Variants in MEOX2 observed in about 807,000 individuals in gnomAD.
MEOX2 encodes the protein homeobox protein MOX-2.
Under a neutral mutation model 27.0 loss-of-function variants are expected in MEOX2, and 11 were observed. The observed-to-expected ratio is 0.41, with a 90% CI of 0.26 to 0.68. The LOEUF is 0.68. MEOX2 is among the 30% of genes least tolerant of loss of function. MEOX2 has a pLI of 0.33. For synonymous variants in MEOX2, 189 were observed against 155.4 expected, an observed-to-expected ratio of 1.22 and a Z score of -1.61; for missense variants, 436 against 385.4, an observed-to-expected ratio of 1.13 and a Z score of -1.10.
intron 1 of MEOX2, among the ~76,000 whole-genome samples, chr7:15,667,118 C>T (rs183070484): frequency 4.0e-5 from 6 of 150,616 alleles, no homozygotes; most frequent in African/African-American, 1.5e-4. Context: ...GGTGAAACCC[C>T]GTCTCTACTA....
At chr7:15,677,505 T>A (rs79242086) in intron 1 of MEOX2, 2 of 152,276 alleles carry the variant, frequency 1.3e-5, no homozygotes, top group South Asian at 4.1e-4. Flanking sequence ...CTTCGGATAG[T>A]GTTTGATCAA....
chr7:15,668,002 T>G (rs1259926605), intron 1 of MEOX2: 1 of 152,204 alleles, frequency 6.6e-6, no homozygotes, highest in East Asian at 1.9e-4. Flanking sequence ...ATAACATATT[T>G]AAATTTCTTA....
Position 15,641,806 on chromosome 7 carries a change from T to A in MEOX2, c.518-14888A>T, listed in dbSNP as rs190810967. ...TTGAGCATTTCTTGAAGGTCTAGTC[T>A]CATGGTGATAAATTCTACTAGTGTT... On this transcript the variant is annotated intron_variant, in intron 1 of 2. Coordinates refer to ENST00000262041, the MANE Select transcript of MEOX2 (RefSeq NM_005924.5). Among the ~76,000 whole-genome samples, 102 of 152,296 alleles carry A rather than the reference T, an allele frequency of 6.7e-4. 1 individual carries two copies. In the East Asian group the frequency reaches 0.019, roughly 28 times the overall value.
intron 1 of MEOX2, among the ~76,000 whole-genome samples, chr7:15,675,467 G>A (rs1395197832): frequency 2.0e-5 from 3 of 152,082 alleles, no homozygotes; most frequent in Non-Finnish European, 4.4e-5. Context: ...TATTTTTATT[G>A]GGAAGACTAA....
At chr7:15,619,163 C>G (rs1781174865) in intron 2 of MEOX2, among the ~76,000 whole-genome samples, 1 of 151,952 alleles carries the variant, frequency 6.6e-6, no homozygotes, top group South Asian at 2.1e-4. Flanking sequence ...AGAAAATTTT[C>G]TTAAAATTGA....
At chr7:15,668,485 T>C (rs1272799990) in intron 1 of MEOX2, among the ~76,000 whole-genome samples, 26 of 152,154 alleles carry the variant, frequency 1.7e-4, no homozygotes, top group Non-Finnish European at 3.5e-4. Flanking sequence ...TTTTTGTTTT[T>C]GTTTTTTTTC....
chr7:15,659,104 A>G (rs1485135773), intron 1 of MEOX2, among the ~76,000 whole-genome samples: 1 of 152,164 alleles, frequency 6.6e-6, no homozygotes, highest in Admixed American at 6.5e-5. Context: ...GGCTCAATCA[A>G]TCCTCCTACC....
chr7:15,648,041 T>C (rs532962010), intron 1 of MEOX2, among the ~76,000 whole-genome samples: 4 of 152,216 alleles, frequency 2.6e-5, no homozygotes, highest in African/African-American at 9.6e-5. Flanking sequence ...AATATTAAGA[T>C]GTTGATACTA....
chr7:15,617,948 G>T (rs187239496), intron 2 of MEOX2, among the ~76,000 whole-genome samples: 13 of 152,006 alleles, frequency 8.6e-5, no homozygotes, highest in Non-Finnish European at 1.5e-4. Context: ...ATAACATATT[G>T]AACAAGGATT....
chr7:15,621,168 A>G (rs1265182138), intron 2 of MEOX2, among the ~76,000 whole-genome samples: 2 of 152,188 alleles, frequency 1.3e-5, no homozygotes, highest in Non-Finnish European at 2.9e-5. Context: ...ACAATTGAAG[A>G]TTATTATCTG....
intron 2 of MEOX2, among the ~76,000 whole-genome samples, chr7:15,621,738 G>A (rs931216812): frequency 6.6e-6 from 1 of 152,180 alleles, no homozygotes; most frequent in African/African-American, 2.4e-5. Flanking sequence ...TGTCAATCAT[G>A]TACAATTTCC....
At chr7:15,644,953 C>T (rs1007012612) in intron 1 of MEOX2, among the ~76,000 whole-genome samples, 5 of 152,130 alleles carry the variant, frequency 3.3e-5, no homozygotes, top group Admixed American at 6.6e-5. Context: ...GGCCCCAGAA[C>T]GCCCACTGCT....
intron 1 of MEOX2, among the ~76,000 whole-genome samples, chr7:15,637,990 C>G (rs1332261625): frequency 6.6e-6 from 1 of 151,952 alleles, no homozygotes; most frequent in Non-Finnish European, 1.5e-5. Flanking sequence ...CATTTATTAG[C>G]CTTTTCTAAG....
rs1325569519 is a variant in MEOX2, at chr7:15,612,146, G to A, written c.*241C>T. The A allele has an allele frequency of 1.8e-5, 10 of 551,938 alleles. No homozygotes were observed. The highest frequency in any genetic ancestry group is 3.1e-5 in the Admixed American group (1 of 32,494). The allele number at this position is 551,938 out of a possible 1,614,324, so 34.2% of individuals were successfully genotyped here. On this transcript the variant is annotated 3_prime_UTR_variant, in exon 3 of 3. Coordinates refer to ENST00000262041, the MANE Select transcript of MEOX2 (RefSeq NM_005924.5). ...CATACCTGCTCACTGCCATACGCAC[G>A]ACCAAACACATCTGGAATATTCAAA...
intron 1 of MEOX2, among the ~76,000 whole-genome samples, chr7:15,665,591 T>C (rs1345415051): frequency 6.6e-6 from 1 of 152,176 alleles, no homozygotes; most frequent in African/African-American, 2.4e-5. Flanking sequence ...TCCCCCAAAA[T>C]GACCAATTTT....
intron 2 of MEOX2, among the ~76,000 whole-genome samples, chr7:15,622,502 A>G (rs1414873680): frequency 1.3e-5 from 2 of 152,192 alleles, no homozygotes; most frequent in African/African-American, 4.8e-5. Context: ...ATATGAGGTT[A>G]GATGTAATAT....
At chr7:15,638,117 G>T (rs952155610) in intron 1 of MEOX2, among the ~76,000 whole-genome samples, 8 of 152,106 alleles carry the variant, frequency 5.3e-5, no homozygotes, top group African/African-American at 1.9e-4. Context: ...GTAAAAAGAT[G>T]ATTTTTATTT....
intron 1 of MEOX2, among the ~76,000 whole-genome samples, chr7:15,673,597 C>CAAAAAAAAAAAAAAAAA (rs35223717): frequency 1.3e-5 from 1 of 76,192 alleles, no homozygotes; most frequent in African/African-American, 5.1e-5. Flanking sequence ...ACAAGTCTAT[C>CAAAAAAAAAAAAAAAAA]AAAAAAAAAA....
intron 1 of MEOX2, among the ~76,000 whole-genome samples, chr7:15,653,619 A>G (rs1781774183): frequency 1.3e-5 from 2 of 151,962 alleles, no homozygotes; most frequent in Non-Finnish European, 2.9e-5. Context: ...AATGTTTTGC[A>G]TTTACATCCA....
Sources: gnomAD v4.1 joint callset for allele counts (sites outside exome capture counted in the v4.1 genomes callset) on GRCh38, gnomAD v4.1.1 for gene constraint, MANE v1.5 for transcripts, NCBI Gene and HGNC (gene_info 2026-07-23, HGNC 2026-07-21) for gene names.